The following RNF130 variants were observed in gnomAD, a reference collection of about 807,000 sequenced individuals.
The protein encoded by RNF130 is E3 ubiquitin-protein ligase RNF130.
A neutral mutation model predicts 44.6 loss-of-function variants in RNF130; 21 were observed. That is an observed-to-expected ratio of 0.47 (90% CI 0.33 to 0.68). RNF130 has a LOEUF of 0.68. Ranked by LOEUF, RNF130 falls within the 30% of genes least tolerant of loss-of-function variation. The pLI, the probability that RNF130 is intolerant of heterozygous loss-of-function variation, is 0.02. For synonymous variants in RNF130, 214 were observed against 210.4 expected, an observed-to-expected ratio of 1.02 and a Z score of -0.15; for missense variants, 479 against 560.6, an observed-to-expected ratio of 0.85 and a Z score of 1.47.
intron 2 of RNF130, among the ~76,000 whole-genome samples, chr5:180,035,558 T>C (rs539982305): frequency 6.6e-6 from 1 of 152,338 alleles, no homozygotes; most frequent in Non-Finnish European, 1.5e-5. Flanking sequence ...TGCTTGCTAA[T>C]TTTCTATCTA....
At chr5:180,015,746 A>AGGAAAGGAGAAG (rs1561693601) in intron 2 of RNF130, among the ~76,000 whole-genome samples, 3 of 105,662 alleles carry the variant, frequency 2.8e-5, no homozygotes, top group African/African-American at 3.7e-5. Context: ...GAAAAGGAGT[A>AGGAAAGGAGAAG]GGAAAGGAGT....
At chr5:180,032,055 G>A (rs1764142068) in intron 2 of RNF130, among the ~76,000 whole-genome samples, 1 of 152,110 alleles carries the variant, frequency 6.6e-6, no homozygotes, top group African/African-American at 2.4e-5. Flanking sequence ...GTAAAACTAG[G>A]TTGTTTATCT....
chr5:179,934,540 C>CT (rs140004601), intron 7 of RNF130, among the ~76,000 whole-genome samples: 54,012 of 126,344 alleles, frequency 0.43, 12,048 homozygotes, highest in East Asian at 0.62. Flanking sequence ...CTTTTCTTTC[C>CT]TTTTTTTTTT....
At chr5:179,986,265 G>A (rs139778078) in intron 3 of RNF130, among the ~76,000 whole-genome samples, 1 of 152,272 alleles carries the variant, frequency 6.6e-6, no homozygotes, top group East Asian at 1.9e-4. Context: ...GTTTTACAAT[G>A]ATATGCTAAG....
intron 5 of RNF130, among the ~76,000 whole-genome samples, chr5:179,971,474 A>G (rs1215024310): frequency 6.6e-6 from 1 of 152,224 alleles, no homozygotes; most frequent in African/African-American, 2.4e-5. Flanking sequence ...GGTTCACACC[A>G]TTCTCCTGCC....
intron 2 of RNF130, among the ~76,000 whole-genome samples, chr5:180,020,075 G>C (rs1227713159): frequency 6.6e-6 from 1 of 152,168 alleles, no homozygotes; most frequent in African/African-American, 2.4e-5. Context: ...GGGGGAGAAA[G>C]GGAAGAGGCA....
chr5:180,006,392 T>C (rs1763463665), intron 3 of RNF130, among the ~76,000 whole-genome samples: 1 of 152,184 alleles, frequency 6.6e-6, no homozygotes, highest in Non-Finnish European at 1.5e-5. Context: ...TCCATATATT[T>C]CCACATTCTG....
At chr5:180,065,619 G>C (rs1016222141) in intron 1 of RNF130, among the ~76,000 whole-genome samples, 1 of 152,098 alleles carries the variant, frequency 6.6e-6, no homozygotes, top group Non-Finnish European at 1.5e-5. Flanking sequence ...AATTAGCTGG[G>C]TGTGGTGGTG....
At chr5:180,022,080 A>G (rs1763887792) in intron 2 of RNF130, among the ~76,000 whole-genome samples, 1 of 152,182 alleles carries the variant, frequency 6.6e-6, no homozygotes, top group African/African-American at 2.4e-5. Context: ...AACAACACGG[A>G]GGTGAGGCTG....
At chr5:180,049,274 A>C (rs1191984140) in intron 1 of RNF130, among the ~76,000 whole-genome samples, 1 of 152,166 alleles carries the variant, frequency 6.6e-6, no homozygotes, top group Non-Finnish European at 1.5e-5. Context: ...GCTATTTGGG[A>C]GTGGAGAGCC....
chr5:180,070,758 T>C (rs1006142268), intron 1 of RNF130, among the ~76,000 whole-genome samples: 1 of 152,224 alleles, frequency 6.6e-6, no homozygotes. Context: ...TCCTTGTTCA[T>C]AGGAAAACAT....
At chr5:180,020,990 T>C (rs906025398) in intron 2 of RNF130, among the ~76,000 whole-genome samples, 3 of 152,136 alleles carry the variant, frequency 2.0e-5, no homozygotes, top group Non-Finnish European at 4.4e-5. Context: ...ATCTAATTTT[T>C]TTTTTCTTTT....
intron 1 of RNF130, among the ~76,000 whole-genome samples, chr5:180,050,591 C>T (rs1764666827): frequency 6.6e-6 from 1 of 152,234 alleles, no homozygotes; most frequent in Non-Finnish European, 1.5e-5. Context: ...TCACAGTCCT[C>T]CTCACAGCTC....
chr5:180,047,066 CAA>C (rs1168757452), intron 1 of RNF130, among the ~76,000 whole-genome samples: 1 of 152,110 alleles, frequency 6.6e-6, no homozygotes, highest in Admixed American at 6.5e-5. Context: ...TTGCTTCCTA[CAA>C]AAGAGGTAAA....
At position 180,071,469 on chromosome 5, in the gene RNF130, C is replaced by T; in HGVS notation, c.234G>A (p.Leu78=). 1 of 1,245,866 alleles carries T rather than the reference C, an allele frequency of 8.0e-7. No homozygotes were observed. The allele number at this position is 1,245,866 out of a possible 1,614,324, so 77.2% of individuals were successfully genotyped here. The part of the protein sequence containing the change: ...AEVRGQVLAP[L]PLHGVADHLG... ...GCCGGCACTCACCTCCGTGGAGGGG[C>T]AGCGGCGCCAGCACCTGGCCGCGGA... The change falls in exon 1 of 9, where the codon CTG becomes CTA. Residue 78 remains leucine, a synonymous_variant. Transcript: ENST00000521389.
intron 1 of RNF130, among the ~76,000 whole-genome samples, chr5:180,048,579 AG>A (rs1270408262): frequency 1.3e-5 from 2 of 152,172 alleles, no homozygotes; most frequent in Non-Finnish European, 2.9e-5. Flanking sequence ...TGAAAGCTAC[AG>A]TGAACTGGGA....
intron 5 of RNF130, among the ~76,000 whole-genome samples, chr5:179,972,160 C>T (rs1762599879): frequency 6.6e-6 from 1 of 152,136 alleles, no homozygotes; most frequent in Admixed American, 6.5e-5. Context: ...CAGGGTGTCC[C>T]CAGGGCCAGC....
intron 7 of RNF130, among the ~76,000 whole-genome samples, chr5:179,947,129 C>A (rs1762053836): frequency 6.6e-6 from 1 of 152,230 alleles, no homozygotes; most frequent in Admixed American, 6.5e-5. Context: ...TCATCACTGA[C>A]ACAACTGTCT....
chr5:179,948,895 G>A (rs561364351), intron 7 of RNF130, among the ~76,000 whole-genome samples: 5 of 151,958 alleles, frequency 3.3e-5, no homozygotes, highest in South Asian at 2.1e-4. Context: ...TTGCTTTCCC[G>A]TGGAGGGTCT....
Sources: gnomAD v4.1 joint callset for allele counts (sites outside exome capture counted in the v4.1 genomes callset) on GRCh38, gnomAD v4.1.1 for gene constraint, MANE v1.5 for transcripts, NCBI Gene and HGNC (gene_info 2026-07-23, HGNC 2026-07-21) for gene names.